The following GPR39 variants were observed in gnomAD, a reference collection of about 807,000 sequenced individuals.
The protein encoded by GPR39 is zinc sensing receptor.
GPR39 carries 23 observed loss-of-function variants against 18.4 expected under a neutral mutation model. That is an observed-to-expected ratio of 1.25 (90% CI 0.90 to 1.77). GPR39 has a LOEUF of 1.77. Ranked by LOEUF, GPR39 falls within the 40% of genes most tolerant of loss-of-function variation. The pLI, the probability that GPR39 is intolerant of heterozygous loss-of-function variation, is 0.00. For synonymous variants in GPR39, 280 were observed against 257.9 expected (o/e 1.09, Z -0.82); for missense variants, 647 against 602.4 (o/e 1.07, Z -0.78).
chr2:132,417,315 C>T lies in GPR39; in HGVS notation c.273C>T (p.Phe91=). 2 of 1,614,180 alleles carry T rather than the reference C, an allele frequency of 1.2e-6. No individual in the cohort carries two copies. The highest frequency in any genetic ancestry group is 1.7e-6 in the Non-Finnish European group (2 of 1,180,034). ...TCCTCATCGGCATGCCCATGGAGTT[C>T]TACAGCATCATCTGGAATCCCCTGA... ...LVFLIGMPME[F]YSIIWNPLTT... Residue 91 remains phenylalanine (F), a synonymous_variant, in exon 1 of 2, where the codon TTC becomes TTT. Coordinates refer to ENST00000329321, the MANE Select transcript of GPR39 (RefSeq NM_001508.3).
chr2:132,611,890 G>A (rs1558858518), intron 1 of GPR39, among the ~76,000 whole-genome samples: 1 of 152,122 alleles, frequency 6.6e-6, no homozygotes. Flanking sequence ...GTTAATGTGA[G>A]GCATTAGCCT....
intron 1 of GPR39, among the ~76,000 whole-genome samples, chr2:132,462,308 T>C (rs1310873242): frequency 6.6e-6 from 1 of 152,198 alleles, no homozygotes; most frequent in Non-Finnish European, 1.5e-5. Context: ...TGGTGCTCCC[T>C]GTTTCTTGTG....
chr2:132,599,387 C>T (rs1681001777), intron 1 of GPR39, among the ~76,000 whole-genome samples: 1 of 152,116 alleles, frequency 6.6e-6, no homozygotes, highest in Non-Finnish European at 1.5e-5. Flanking sequence ...TTTGCCCTAT[C>T]CTGTTCTCTC....
chr2:132,608,392 C>T (rs185961347), intron 1 of GPR39, among the ~76,000 whole-genome samples: 49 of 152,296 alleles, frequency 3.2e-4, no homozygotes, highest in African/African-American at 1.1e-3. Flanking sequence ...ACACATCCCC[C>T]GGCTCCCTGT....
chr2:132,493,226 T>C (rs955558046), intron 1 of GPR39, among the ~76,000 whole-genome samples: 8 of 144,330 alleles, frequency 5.5e-5, no homozygotes, highest in African/African-American at 2.1e-4. Flanking sequence ...ACACCATATA[T>C]ACACCATATA....
chr2:132,554,814 T>C (rs972138081), intron 1 of GPR39, among the ~76,000 whole-genome samples: 2 of 152,220 alleles, frequency 1.3e-5, no homozygotes, highest in African/African-American at 4.8e-5. Context: ...CAACAATAAG[T>C]AATGCTTTAC....
chr2:132,498,434 T>C (rs1255348640), intron 1 of GPR39, among the ~76,000 whole-genome samples: 2 of 152,222 alleles, frequency 1.3e-5, no homozygotes, highest in Admixed American at 6.5e-5. Flanking sequence ...GGACGAGTAG[T>C]ATTCATGTAT....
At chr2:132,568,734 C>T (rs1055758750) in intron 1 of GPR39, among the ~76,000 whole-genome samples, 7 of 151,934 alleles carry the variant, frequency 4.6e-5, no homozygotes, top group African/African-American at 1.5e-4. Context: ...ACAGTGTCAT[C>T]GAGCTGCTAA....
chr2:132,554,427 T>C (rs1263606843), intron 1 of GPR39, among the ~76,000 whole-genome samples: 1 of 152,218 alleles, frequency 6.6e-6, no homozygotes, highest in Admixed American at 6.5e-5. Flanking sequence ...TGCTTCAAAC[T>C]GCAGTTTCAC....
intron 1 of GPR39, among the ~76,000 whole-genome samples, chr2:132,468,638 G>T (rs1223081550): frequency 6.6e-6 from 1 of 152,194 alleles, no homozygotes; most frequent in African/African-American, 2.4e-5. Context: ...TTTGCCCAAA[G>T]GGTTTTAAAC....
At chr2:132,622,841 G>A (rs1242495829) in intron 1 of GPR39, among the ~76,000 whole-genome samples, 1 of 152,208 alleles carries the variant, frequency 6.6e-6, no homozygotes, top group African/African-American at 2.4e-5. Flanking sequence ...TTGGCCAGGT[G>A]CGGTGGCTCA....
intron 1 of GPR39, among the ~76,000 whole-genome samples, chr2:132,570,290 T>G (rs1680419739): frequency 6.6e-6 from 1 of 151,930 alleles, no homozygotes; most frequent in Non-Finnish European, 1.5e-5. Context: ...CCACTACCCC[T>G]CGTCTCTGAG....
intron 1 of GPR39, among the ~76,000 whole-genome samples, chr2:132,472,896 A>G (rs1681058626): frequency 6.6e-6 from 1 of 151,976 alleles, no homozygotes. Flanking sequence ...TTTCAAGTAG[A>G]GGACGTGGCC....
chr2:132,641,343 T>C (rs1681853031), intron 1 of GPR39, among the ~76,000 whole-genome samples: 1 of 152,202 alleles, frequency 6.6e-6, no homozygotes, highest in Non-Finnish European at 1.5e-5. Flanking sequence ...CATTGTAGTG[T>C]AACAAATACA....
chr2:132,417,397 A>C lies in GPR39; in HGVS notation c.355A>C (p.Ser119Arg). ...GCACACTTTCCTCTTCGAGGCCTGC[A>C]GCTACGCTACGCTGCTGCACGTGCT... ...KLHTFLFEAC[S>R]YATLLHVLTL... Residue 119 changes from serine (S) to arginine (R), a missense_variant, in exon 1 of 2, where the codon AGC becomes CGC. Coordinates refer to ENST00000329321, the MANE Select transcript of GPR39 (RefSeq NM_001508.3). 1 of 1,614,152 alleles carries C rather than the reference A, an allele frequency of 6.2e-7. No homozygotes were observed. The highest frequency in any genetic ancestry group is 8.5e-7 in the Non-Finnish European group (1 of 1,180,028).
intron 1 of GPR39, among the ~76,000 whole-genome samples, chr2:132,524,932 CT>C (rs754644829): frequency 1.1e-4 from 16 of 152,140 alleles, no homozygotes; most frequent in Non-Finnish European, 2.9e-5. Flanking sequence ...CTGCGAATCG[CT>C]TTATACAGCC....
intron 1 of GPR39, among the ~76,000 whole-genome samples, chr2:132,518,729 A>G (rs1679375137): frequency 6.6e-6 from 1 of 152,232 alleles, no homozygotes; most frequent in South Asian, 2.1e-4. Flanking sequence ...GAAATAGGTG[A>G]CATTAACTTT....
At chr2:132,459,025 A>T (rs1403899013) in intron 1 of GPR39, among the ~76,000 whole-genome samples, 1 of 152,192 alleles carries the variant, frequency 6.6e-6, no homozygotes, top group Non-Finnish European at 1.5e-5. Context: ...CATTGTTGAA[A>T]GTAAGGGATT....
chr2:132,431,707 G>C (rs1197678790), intron 1 of GPR39, among the ~76,000 whole-genome samples: 2 of 152,160 alleles, frequency 1.3e-5, no homozygotes, highest in Non-Finnish European at 2.9e-5. Flanking sequence ...AGAATATGTG[G>C]AGGGAGTGTG....
Sources: gnomAD v4.1 joint callset for allele counts (sites outside exome capture counted in the v4.1 genomes callset) on GRCh38, gnomAD v4.1.1 for gene constraint, MANE v1.5 for transcripts, NCBI Gene and HGNC (gene_info 2026-07-23, HGNC 2026-07-21) for gene names.